The following ZBTB25 variants were observed in gnomAD, a reference collection of about 807,000 sequenced individuals.
ZBTB25 encodes zinc finger and BTB domain-containing protein 25.
A neutral mutation model predicts 34.2 loss-of-function variants in ZBTB25; 20 were observed. That is an observed-to-expected ratio of 0.58 (90% CI 0.41 to 0.85). The LOEUF is 0.85. ZBTB25 is among the 40% of genes least tolerant of loss of function. ZBTB25 has a pLI of 0.00. For missense variants in ZBTB25, 437 were observed against 521.8 expected, an observed-to-expected ratio of 0.84 and a Z score of 1.58; for synonymous variants, 175 against 186.4, an observed-to-expected ratio of 0.94 and a Z score of 0.50.
exon 3 of ZBTB25, chr14:64,449,287 C>G: frequency 1.3e-6 from 1 of 782,260 alleles, no homozygotes; most frequent in Non-Finnish European, 2.2e-6. Context: ...AAGTCACCAG[C>G]TAGTAAGTTT....
chr14:64,470,752 G>A (rs2078661990), intron 2 of ZBTB25: 1 of 166,848 alleles, frequency 6.0e-6, no homozygotes, highest in South Asian at 2.1e-4. Flanking sequence ...ATTTATCTGT[G>A]AAAAGTTAAA....
chr14:64,459,866 A>G (rs2078534199), intron 2 of ZBTB25: 1 of 1,535,998 alleles, frequency 6.5e-7, no homozygotes, highest in Non-Finnish European at 8.7e-7. Flanking sequence ...GCCCCTGCCC[A>G]GAAGATCTGA....
chr14:64,492,127 A>G (rs1327366575), intron 1 of ZBTB25, among the ~76,000 whole-genome samples: 1 of 150,682 alleles, frequency 6.6e-6, no homozygotes, highest in African/African-American at 2.4e-5. Flanking sequence ...CAAAAAAAAA[A>G]AAAAAAAAAA....
intron 1 of ZBTB25, among the ~76,000 whole-genome samples, chr14:64,496,312 G>A (rs913762178): frequency 4.6e-5 from 7 of 151,542 alleles, no homozygotes; most frequent in African/African-American, 7.3e-5. Context: ...GTGAAACCCC[G>A]TCTCTACTAA....
intron 2 of ZBTB25, chr14:64,466,959 G>T (rs1006833419): frequency 1.3e-5 from 2 of 151,842 alleles, no homozygotes; most frequent in Non-Finnish European, 2.9e-5. Flanking sequence ...CTTATTTTTG[G>T]CTTTTAAATT....
intron 2 of ZBTB25, chr14:64,458,630 T>C: frequency 5.0e-6 from 2 of 399,048 alleles, no homozygotes; most frequent in Non-Finnish European, 9.5e-6. Context: ...CCCAGGAGGC[T>C]TGGGGTTCAG....
chr14:64,449,497 G>A, exon 3 of ZBTB25: 1 of 1,614,162 alleles, frequency 6.2e-7, no homozygotes, highest in Middle Eastern at 1.7e-4. Flanking sequence ...CAGAGAACAT[G>A]GGGCTTTTGA....
At chr14:64,492,350 G>T (rs1381365099) in intron 1 of ZBTB25, among the ~76,000 whole-genome samples, 2 of 151,784 alleles carry the variant, frequency 1.3e-5, no homozygotes, top group African/African-American at 4.8e-5. Flanking sequence ...GGCATTACAG[G>T]TGCCCGCCAC....
intron 2 of ZBTB25, among the ~76,000 whole-genome samples, chr14:64,457,400 T>C (rs1297132280): frequency 2.0e-5 from 3 of 152,052 alleles, no homozygotes; most frequent in Non-Finnish European, 2.9e-5. Flanking sequence ...TGGAAGATGA[T>C]AGTGAAGGCT....
chr14:64,500,339 A>C (rs2079443319), intron 1 of ZBTB25, among the ~76,000 whole-genome samples: 1 of 151,778 alleles, frequency 6.6e-6, no homozygotes, highest in Non-Finnish European at 1.5e-5. Context: ...AAGTGCTTGG[A>C]GATTTCAGAA....
intron 2 of ZBTB25, among the ~76,000 whole-genome samples, chr14:64,458,956 A>C (rs2078519787): frequency 1.3e-5 from 2 of 152,212 alleles, no homozygotes; most frequent in African/African-American, 4.8e-5. Flanking sequence ...CAAAAATATC[A>C]AACATGAAAA....
In ZBTB25 at chr14:64,490,474, A is replaced by G; in HGVS notation, c.60T>C (p.Phe20=). Residue 20 remains phenylalanine, a synonymous_variant, in exon 2 of 3, where the codon TTT becomes TTC. Transcript: ENST00000608382. Reference sequence around the variant, plus strand: ...CAACTGTGCAATCACACAGAAAACCAAATTCTCGCTGCATGTTCAGCTGCT... The same window carrying G: ...CAACTGTGCAATCACACAGAAAACCGAATTCTCGCTGCATGTTCAGCTGCT... The part of the protein sequence containing the change: ...LLQQLNMQRE[F]GFLCDCTVAI... The G allele has an allele frequency of 6.2e-7, 1 of 1,613,916 alleles. No homozygotes were observed. Among genetic ancestry groups the G allele is most frequent in the East Asian group, 2.2e-5 (1 of 44,880 alleles).
At chr14:64,457,950 G>T in intron 2 of ZBTB25, 1 of 557,196 alleles carries the variant, frequency 1.8e-6, no homozygotes, top group Non-Finnish European at 3.2e-6. Flanking sequence ...CCAGGCAATC[G>T]GATGATCATG....
chr14:64,449,991 C>T (rs1035679655), intron 2 of ZBTB25, among the ~76,000 whole-genome samples: 3 of 152,148 alleles, frequency 2.0e-5, no homozygotes, highest in Non-Finnish European at 4.4e-5. Flanking sequence ...GGGGTTTCAC[C>T]ATCTTGGCCA....
chr14:64,449,179 A>AT, exon 3 of ZBTB25: 1 of 510,040 alleles, frequency 2.0e-6, no homozygotes, highest in Non-Finnish European at 3.6e-6. Context: ...TGGATTTACC[A>AT]TCTGAGTCTC....
chr14:64,485,422 T>C lies in ZBTB25; in HGVS notation c.*1501A>G, dbSNP rs1203465883. 2 of 985,320 alleles carry C rather than the reference T, an allele frequency of 2.0e-6. No individual in the cohort carries two copies. The highest frequency in any genetic ancestry group is 2.4e-6 in the Non-Finnish European group (2 of 829,940). 61.0% of individuals were successfully genotyped at this position (985,320 alleles called of 1,614,324 possible). On this transcript the variant is annotated 3_prime_UTR_variant, in exon 3 of 3. Transcript: ENST00000608382. The stretch of plus-strand genomic sequence containing the variant: ...CTATGCGGGGTTTGAAATTTAAACA[T>C]TTCAGAAACAATTTAGATCTATCCT...
At chr14:64,469,995 T>C (rs2141004560) in intron 2 of ZBTB25, 2 of 218,444 alleles carry the variant, frequency 9.2e-6, no homozygotes, top group Non-Finnish European at 9.7e-6. Context: ...ACTTATGGTA[T>C]GCCATAAGCT....
At chr14:64,503,626 G>A (rs1276873557) in intron 1 of ZBTB25, 35 bp downstream of exon 1, 1 of 985,176 alleles carries the variant, frequency 1.0e-6, no homozygotes, top group East Asian at 1.1e-4. Context: ...GACTGAGCCC[G>A]GGGCAGCCCA....
intron 1 of ZBTB25, chr14:64,503,169 A>T: frequency 2.0e-6 from 2 of 985,496 alleles, no homozygotes; most frequent in Non-Finnish European, 2.4e-6. Context: ...CAAGATAAAC[A>T]TAATTTGAAG....
Sources: allele counts gnomAD v4.1 joint callset (sites outside exome capture counted in the v4.1 genomes callset), GRCh38; gene constraint gnomAD v4.1.1; transcripts MANE v1.5; gene names NCBI Gene and HGNC (gene_info 2026-07-23, HGNC 2026-07-21).